Variants in ATG10 observed in about 807,000 individuals in gnomAD.
ATG10 encodes autophagy related 10, also known as ubiquitin-like-conjugating enzyme ATG10.
Under a neutral mutation model 32.1 loss-of-function variants are expected in ATG10, and 30 were observed. That is an observed-to-expected ratio of 0.94 (90% confidence interval 0.70 to 1.27). ATG10 has a LOEUF of 1.27. ATG10 is among the 50% of genes most tolerant of loss of function. ATG10 has a pLI of 0.00. For synonymous variants in ATG10, 87 were observed against 91.5 expected (o/e 0.95, Z 0.28); for missense variants, 233 against 262.3 (o/e 0.89, Z 0.77).
Position 82,252,547 on chromosome 5 carries a change from T to G in ATG10, c.454-15T>G. 6.5e-7 allele frequency: 1 copy of G among 1,536,940 alleles called. No individual in the cohort carries two copies. The highest frequency in any genetic ancestry group is 9.0e-7 in the Non-Finnish European group (1 of 1,112,908). ...GTAACTCACACTGATCCTGGACCAA[T>G]TCTGATTCTTACAGGAACATCCAAT... On this transcript the variant is annotated splice_polypyrimidine_tract_variant and intron_variant, in intron 5 of 7. Transcript: ENST00000282185.
chr5:82,054,112 CTCAACTCTGGCTGCTGTGCTGGA>C (rs1763511794), intron 2 of ATG10, among the ~76,000 whole-genome samples: 3 of 152,160 alleles, frequency 2.0e-5, no homozygotes. Context: ...TGCAGTGGTT[CTCAACTCTGGCTGCTGTGCTGGA>C]ATCTGCTAGG....
intron 3 of ATG10, among the ~76,000 whole-genome samples, chr5:82,155,417 A>AG (rs1767763635): frequency 1.3e-5 from 2 of 152,208 alleles, no homozygotes; most frequent in African/African-American, 4.8e-5. Context: ...TAGGATTTTC[A>AG]GGGGTAGGCA....
intron 2 of ATG10, among the ~76,000 whole-genome samples, chr5:82,048,691 C>G (rs9687926): frequency 0.075 from 11,298 of 151,514 alleles, 593 homozygotes; most frequent in African/African-American, 0.16. Context: ...TGGACTCAAA[C>G]AAATTTACAA....
chr5:81,992,999 C>T (rs372026304), intron 2 of ATG10, among the ~76,000 whole-genome samples: 1 of 152,156 alleles, frequency 6.6e-6, no homozygotes, highest in Non-Finnish European at 1.5e-5. Flanking sequence ...CTACCTCTAA[C>T]CTTTCCAAAA....
intron 3 of ATG10, among the ~76,000 whole-genome samples, chr5:82,099,405 A>G (rs1765182367): frequency 6.6e-6 from 1 of 151,958 alleles, no homozygotes; most frequent in Admixed American, 6.6e-5. Context: ...TTTAATCAGA[A>G]ATAAATACAT....
chr5:82,211,931 C>T lies in ATG10; in HGVS notation c.453+33344C>T, dbSNP rs72778507. Among the ~76,000 whole-genome samples the T allele has an allele frequency of 3.7e-3, 557 of 152,340 alleles. 4 individuals are homozygous for T. The highest frequency in any genetic ancestry group is 0.014 in the Middle Eastern group (4 of 294). On this transcript the variant is annotated intron_variant, in intron 5 of 7. Transcript: ENST00000282185. ...AACTCTTTAATATCCTTGTATCTCT[C>T]CCATGTTGTACCCATATCCAAGCAA...
intron 5 of ATG10, among the ~76,000 whole-genome samples, chr5:82,231,133 T>C (rs1746355157): frequency 6.6e-6 from 1 of 152,200 alleles, no homozygotes; most frequent in Admixed American, 6.5e-5. Context: ...CATGAGTTCA[T>C]GTAGAAATCT....
At chr5:81,994,900 G>A (rs1306931379) in intron 2 of ATG10, among the ~76,000 whole-genome samples, 2 of 152,084 alleles carry the variant, frequency 1.3e-5, no homozygotes, top group Non-Finnish European at 2.9e-5. Context: ...TAGAAGCCAA[G>A]GTGTTAGAGT....
chr5:82,088,342 G>C (rs1764761202), intron 3 of ATG10, among the ~76,000 whole-genome samples: 1 of 152,156 alleles, frequency 6.6e-6, no homozygotes, highest in Admixed American at 6.5e-5. Context: ...TTTGGATACA[G>C]AGAGAGTTAT....
At chr5:82,076,465 T>C (rs573677983) in intron 3 of ATG10, among the ~76,000 whole-genome samples, 22 of 152,218 alleles carry the variant, frequency 1.4e-4, no homozygotes, top group Admixed American at 6.5e-5. Context: ...CCTTGGAATG[T>C]CATAGGAGAA....
intron 3 of ATG10, among the ~76,000 whole-genome samples, chr5:82,132,392 A>G (rs1188955730): frequency 3.3e-5 from 5 of 151,132 alleles, no homozygotes; most frequent in Admixed American, 6.6e-5. Context: ...TCCTAATGCT[A>G]TCCCTCCCCT....
At chr5:82,029,540 GA>G in intron 2 of ATG10, among the ~76,000 whole-genome samples, 1 of 152,218 alleles carries the variant, frequency 6.6e-6, no homozygotes, top group East Asian at 1.9e-4. Context: ...TCAGAGAATG[GA>G]ATAAAAAACA....
chr5:82,007,593 T>C (rs1762019385), intron 2 of ATG10, among the ~76,000 whole-genome samples: 3 of 152,096 alleles, frequency 2.0e-5, no homozygotes, highest in Non-Finnish European at 4.4e-5. Context: ...GCTGGGACTA[T>C]AGGTGTATAC....
chr5:82,251,553 A>G (rs969594787), intron 5 of ATG10, among the ~76,000 whole-genome samples: 1 of 152,286 alleles, frequency 6.6e-6, no homozygotes, highest in East Asian at 1.9e-4. Context: ...AGTAGCCAGC[A>G]TGGCCTTGGA....
At chr5:82,154,490 C>G (rs1206022009) in intron 3 of ATG10, among the ~76,000 whole-genome samples, 3 of 152,174 alleles carry the variant, frequency 2.0e-5, no homozygotes, top group Non-Finnish European at 2.9e-5. Flanking sequence ...CTTTATTTAA[C>G]AAGTGAAGAA....
intron 2 of ATG10, among the ~76,000 whole-genome samples, chr5:82,027,462 A>G (rs1428384948): frequency 6.6e-6 from 1 of 152,188 alleles, no homozygotes; most frequent in African/African-American, 2.4e-5. Context: ...TGTATTGTAC[A>G]TATTTTTGAA....
At position 82,141,033 on chromosome 5, in the gene ATG10, G is replaced by A. The variant is rs374473322; in HGVS notation, c.217-23366G>A. Among the ~76,000 whole-genome samples the A allele has an allele frequency of 1.1e-3, 134 of 117,796 alleles. 1 individual carries two copies. The highest frequency in any genetic ancestry group is 1.7e-3 in the Admixed American group (19 of 11,214). 77.3% of individuals were successfully genotyped at this position (117,796 alleles called of 152,430 possible). A position where few individuals can be genotyped will look rare whatever the true frequency, so the allele number is the denominator to read the frequency against. On this transcript the variant is annotated intron_variant, in intron 3 of 7. Coordinates refer to ENST00000282185, the MANE Select transcript of ATG10 (RefSeq NM_031482.5). ...ACAGATGCTTGAAGGCAGCATGCTC[G>A]TTAAGAGTCATCACCAATCCCTAAT...
intron 2 of ATG10, among the ~76,000 whole-genome samples, chr5:82,039,926 G>A (rs1763033005): frequency 6.6e-6 from 1 of 152,190 alleles, no homozygotes; most frequent in South Asian, 2.1e-4. Context: ...GGCTGGTTTG[G>A]AGGGCCTAAG....
intron 5 of ATG10, among the ~76,000 whole-genome samples, chr5:82,221,457 T>C (rs1320102215): frequency 6.6e-6 from 1 of 152,204 alleles, no homozygotes; most frequent in African/African-American, 2.4e-5. Flanking sequence ...TGCCTTCTGG[T>C]TGCAGATCAG....
Sources: gnomAD v4.1 joint callset for allele counts (sites outside exome capture counted in the v4.1 genomes callset) on GRCh38, gnomAD v4.1.1 for gene constraint, MANE v1.5 for transcripts, NCBI Gene and HGNC (gene_info 2026-07-23, HGNC 2026-07-21) for gene names.